The following PSMD1 variants were observed in gnomAD, a reference collection of about 807,000 sequenced individuals.
PSMD1 encodes the protein 26S proteasome non-ATPase regulatory subunit 1.
PSMD1 carries 18 observed loss-of-function variants against 119.0 expected under a neutral mutation model. That is an observed-to-expected ratio of 0.15 (90% CI 0.10 to 0.22). The LOEUF is 0.22. Ranked by LOEUF, PSMD1 falls within the 10% of genes least tolerant of loss-of-function variation. The probability of loss-of-function intolerance (pLI) is 1.00; values close to 1 mark genes in which losing one functional copy is unlikely to be tolerated. For synonymous variants in PSMD1, 374 were observed against 396.6 expected, an observed-to-expected ratio of 0.94 and a Z score of 0.68; for missense variants, 702 against 1,158.5, an observed-to-expected ratio of 0.61 and a Z score of 5.72.
intron 16 of PSMD1, among the ~76,000 whole-genome samples, chr2:231,134,748 T>C (rs988107190): frequency 1.3e-5 from 2 of 152,214 alleles, no homozygotes; most frequent in Non-Finnish European, 2.9e-5. Context: ...CATTCAAGAC[T>C]CAATTAGCCT....
chr2:231,155,305 G>T (rs974067258), intron 19 of PSMD1, among the ~76,000 whole-genome samples: 4 of 152,042 alleles, frequency 2.6e-5, no homozygotes, highest in Non-Finnish European at 5.9e-5. Flanking sequence ...TGCAGTCATT[G>T]TTTCCTCAGT....
At chr2:231,120,580 G>T (rs1423190186) in intron 16 of PSMD1, among the ~76,000 whole-genome samples, 1 of 152,146 alleles carries the variant, frequency 6.6e-6, no homozygotes, top group East Asian at 1.9e-4. Context: ...GGGAAAATAT[G>T]AATTCAAACC....
chr2:231,100,215 A>AT (rs111472471), intron 16 of PSMD1, among the ~76,000 whole-genome samples: 80 of 152,002 alleles, frequency 5.3e-4, no homozygotes, highest in African/African-American at 1.8e-3. Flanking sequence ...CAAATATAAA[A>AT]TTTTTTTTTA....
At chr2:231,109,088 G>A (rs1373467249) in intron 16 of PSMD1, 2 of 1,614,092 alleles carry the variant, frequency 1.2e-6, no homozygotes, top group Admixed American at 1.7e-5. Context: ...GTTGGGCAGA[G>A]CCTTGTCCTT....
At chr2:231,078,588 C>A in intron 9 of PSMD1, 71 bp from the exon 10 acceptor site, 2 of 1,078,324 alleles carry the variant, frequency 1.9e-6, no homozygotes, top group Non-Finnish European at 2.7e-6. Context: ...GGACCTCTGA[C>A]TGTGTGTGTG....
chr2:231,136,493 T>A (rs1333647511), intron 16 of PSMD1, among the ~76,000 whole-genome samples: 2 of 152,270 alleles, frequency 1.3e-5, no homozygotes, highest in African/African-American at 4.8e-5. Flanking sequence ...AATAGTTTTC[T>A]TGCTGGTTTT....
chr2:231,089,188 A>G (rs191850127), intron 16 of PSMD1, among the ~76,000 whole-genome samples: 12 of 152,372 alleles, frequency 7.9e-5, no homozygotes, highest in African/African-American at 2.6e-4. Flanking sequence ...AGCTGTCTCC[A>G]TAACATGGAG....
chr2:231,149,945 A>G (rs922368222), intron 18 of PSMD1, among the ~76,000 whole-genome samples: 1 of 152,244 alleles, frequency 6.6e-6, no homozygotes, highest in Non-Finnish European at 1.5e-5. Context: ...GATAATATTC[A>G]TTTCAGGCAT....
intron 16 of PSMD1, among the ~76,000 whole-genome samples, chr2:231,120,868 G>C (rs536061144): frequency 6.6e-6 from 1 of 152,332 alleles, no homozygotes; most frequent in South Asian, 2.1e-4. Context: ...AGAGTGTAAA[G>C]TCTAATTCTG....
chr2:231,085,256 C>T (rs1694403670), intron 15 of PSMD1, 142 bp downstream of exon 15: 1 of 686,536 alleles, frequency 1.5e-6, no homozygotes, highest in Admixed American at 2.2e-5. Context: ...CTGGACCCAA[C>T]AGGCCATAAC....
intron 16 of PSMD1, chr2:231,123,289 G>T (rs926882042): frequency 3.9e-6 from 3 of 769,360 alleles, no homozygotes; most frequent in East Asian, 2.7e-5. Context: ...TTTACTTGCC[G>T]TATCTTTAAA....
In PSMD1 at chr2:231,171,138, C is replaced by G. The variant is rs183481659; in HGVS notation, c.*9+417C>G. ...GATCAGTTATAGTTGTGGACTGGCA[C>G]TGGCCCATAGGTGACACTTTTGAGT... On this transcript the variant is annotated intron_variant, in intron 24 of 24. Transcript: ENST00000308696. Among the ~76,000 whole-genome samples the G allele has an allele frequency of 4.4e-3, 670 of 152,342 alleles. 4 individuals are homozygous for G. Among genetic ancestry groups the G allele is most frequent in the African/African-American group, 0.015 (627 of 41,574 alleles).
intron 19 of PSMD1, among the ~76,000 whole-genome samples, chr2:231,159,666 C>T: frequency 6.6e-6 from 1 of 152,222 alleles, no homozygotes; most frequent in East Asian, 1.9e-4. Flanking sequence ...GGCTCACCAG[C>T]TCTCCCCAAC....
intron 2 of PSMD1, among the ~76,000 whole-genome samples, chr2:231,061,878 G>GC (rs1693769024): frequency 6.6e-6 from 1 of 151,920 alleles, no homozygotes; most frequent in South Asian, 2.1e-4. Context: ...CGCTTCCCCC[G>GC]CCCCAGTTTC....
chr2:231,166,053 T>C (rs1309138171), intron 23 of PSMD1, 36 bp downstream of exon 23: 1 of 1,548,292 alleles, frequency 6.5e-7, no homozygotes, highest in Non-Finnish European at 8.8e-7. Flanking sequence ...TATATACCAG[T>C]GGGATATTAA....
intron 16 of PSMD1, chr2:231,109,325 C>A (rs1278396359): frequency 1.2e-6 from 2 of 1,614,002 alleles, no homozygotes; most frequent in Non-Finnish European, 1.7e-6. Flanking sequence ...ATCGCCAAAA[C>A]GTTCCTTTGT....
At chr2:231,074,402 G>A (rs533452996) in intron 7 of PSMD1, among the ~76,000 whole-genome samples, 9 of 152,050 alleles carry the variant, frequency 5.9e-5, no homozygotes, top group African/African-American at 1.7e-4. Context: ...CACCATACCC[G>A]GCCTATTTAT....
In PSMD1 at chr2:231,163,734, TC is replaced by T. The variant is rs754729065; in HGVS notation, c.2481+8del. The T allele has an allele frequency of 1.3e-6, 2 of 1,582,460 alleles. No homozygotes were observed. Among genetic ancestry groups the T allele is most frequent in the Non-Finnish European group, 8.7e-7 (1 of 1,153,136 alleles). On this transcript the variant is annotated splice_region_variant and intron_variant, in intron 21 of 24. Transcript: ENST00000308696. ...AGAAAAAGAAAAGGAAAAGGTAGGT[TC>T]TTTGTTCCTTTTAGCAGCATTTGTA...
chr2:231,145,751 G>A (rs1037104408), intron 17 of PSMD1, among the ~76,000 whole-genome samples: 4 of 151,758 alleles, frequency 2.6e-5, no homozygotes, highest in Non-Finnish European at 1.5e-5. Flanking sequence ...AAATTAGCCG[G>A]GGGTGGTAGC....
Sources: gnomAD v4.1 joint callset for allele counts (sites outside exome capture counted in the v4.1 genomes callset) on GRCh38, gnomAD v4.1.1 for gene constraint, MANE v1.5 for transcripts, NCBI Gene and HGNC (gene_info 2026-07-23, HGNC 2026-07-21) for gene names.